TRIOBP: variants seen among roughly 807,000 people sequenced by gnomAD.
TRIOBP encodes the protein TRIO and F-actin-binding protein.
In TRIOBP, 169 loss-of-function variants were observed where a neutral mutation model predicts 238.8. That is an observed-to-expected ratio of 0.71 (90% confidence interval 0.62 to 0.80). The LOEUF is 0.80. Ranked by LOEUF, TRIOBP falls within the 30% of genes least tolerant of loss-of-function variation. The pLI is 0.00. For missense variants in TRIOBP, 2,838 were observed against 3,122.6 expected (o/e 0.91, Z 2.17); for synonymous variants, 1,150 against 1,274.4 (o/e 0.90, Z 2.08).
chr22:37,728,469 C>G (rs536876077), intron 7 of TRIOBP, among the ~76,000 whole-genome samples: 11 of 152,054 alleles, frequency 7.2e-5, no homozygotes, highest in African/African-American at 2.7e-4. Flanking sequence ...ATCTCTTGTT[C>G]TTCAAATTTC....
Position 37,757,773 on chromosome 22 carries a change from C to T in TRIOBP, c.5848C>T (p.Pro1950Ser). ...GGCCTTGGACTACGTGGAGCTCTCGCCGCTGACCCAGGCTTCCCCGCAGCG... is the reference window on the plus strand; with the variant it reads ...GGCCTTGGACTACGTGGAGCTCTCGTCGCTGACCCAGGCTTCCCCGCAGCG... ...RQALDYVELSPLTQASPQRAR... is the reference protein window; with the variant it reads ...RQALDYVELSSLTQASPQRAR... The change falls in exon 16 of 24, where the codon CCG becomes TCG. Residue 1950 changes from proline to serine, a missense_variant. By Grantham distance (74) the Pro-to-Ser change is moderately conservative (BLOSUM62 -1). Transcript: ENST00000644935. 6 of 1,552,740 alleles carry T rather than the reference C, an allele frequency of 3.9e-6. No homozygotes were observed. Among genetic ancestry groups the T allele is most frequent in the Non-Finnish European group, 4.4e-6 (5 of 1,148,354 alleles).
In TRIOBP at chr22:37,726,437, G is replaced by T; in HGVS notation, c.3881G>T (p.Ser1294Ile). ...QRQPGPQAQC[S>I]SGGRTHSPGR... Reference sequence around the variant, plus strand: ...CAGCCAGGGCCCCAGGCGCAGTGCAGCAGCGGGGGCCGCACCCACAGCCCT... The same window carrying T: ...CAGCCAGGGCCCCAGGCGCAGTGCATCAGCGGGGGCCGCACCCACAGCCCT... The change falls in exon 7 of 24, where the codon AGC becomes ATC. Residue 1294 changes from serine (S) to isoleucine (I), a missense_variant. By Grantham distance (142) the Ser-to-Ile change is moderately radical. Around this residue, in one of 5 missense-constraint regions of TRIOBP, gnomAD observed 2,096 missense variants for 2,137.4 expected, o/e 0.98. Coordinates refer to ENST00000644935, the MANE Select transcript of TRIOBP (RefSeq NM_001039141.3). The T allele has an allele frequency of 6.3e-7, 1 of 1,583,494 alleles. No homozygotes were observed. The highest frequency in any genetic ancestry group is 8.6e-7 in the Non-Finnish European group (1 of 1,167,496).
At position 37,765,833 on chromosome 22, in the gene TRIOBP, G is replaced by C. The variant is rs754782306; in HGVS notation, c.6472+16G>C. 1.8e-5 allele frequency: 29 copies of C among 1,582,270 alleles called. 1 individual carries two copies. In the South Asian group the frequency reaches 3.1e-4, roughly 17 times the overall value. ...ACGGCCTCAGGTATGGACCCTGGGGGGGGCACAGTGGGCTGGGCTCTGAGC... is the reference window on the plus strand; with the variant it reads ...ACGGCCTCAGGTATGGACCCTGGGGCGGGCACAGTGGGCTGGGCTCTGAGC... On this transcript the variant is annotated intron_variant, in intron 18 of 23. Transcript: ENST00000644935.
intron 6 of TRIOBP, among the ~76,000 whole-genome samples, chr22:37,717,798 G>A (rs1284339601): frequency 6.6e-6 from 1 of 152,234 alleles, no homozygotes; most frequent in Non-Finnish European, 1.5e-5. Context: ...CTCGTTCTGG[G>A]GCTGCAGGTG....
Position 37,715,640 on chromosome 22 carries a change from G to A in TRIOBP, c.457-123G>A. 5 of 1,176,890 alleles carry A rather than the reference G, an allele frequency of 4.2e-6. No homozygotes were observed. The South Asian group carries it at 5.3e-5, about 12-fold the overall frequency. The allele number at this position is 1,176,890 out of a possible 1,614,324, so 72.9% of individuals were successfully genotyped here. A position where few individuals can be genotyped will look rare whatever the true frequency, so the allele number is the denominator to read the frequency against. ...TTGCAGGCGTGAGCCACAGCGCCTG[G>A]CCAGGGAAGTGCTTTTTAATGCCAA... On this transcript the variant is annotated intron_variant, in intron 5 of 23. Transcript: ENST00000644935.
chr22:37,715,943 T>C lies in TRIOBP; in HGVS notation c.628+9T>C. 5.6e-6 allele frequency: 9 copies of C among 1,612,114 alleles called. No individual in the cohort carries two copies. Among genetic ancestry groups the C allele is most frequent in the Non-Finnish European group, 7.6e-6 (9 of 1,179,790 alleles). On this transcript the variant is annotated intron_variant, in intron 6 of 23. Coordinates refer to ENST00000644935, the MANE Select transcript of TRIOBP (RefSeq NM_001039141.3). ...AGGCCAGAAAAAGGAGGGTGAGTCCTTCTGCCAGGTTGGTTCCCATGGTGA... is the reference window on the plus strand; with the variant it reads ...AGGCCAGAAAAAGGAGGGTGAGTCCCTCTGCCAGGTTGGTTCCCATGGTGA...
intron 4 of TRIOBP, among the ~76,000 whole-genome samples, chr22:37,711,741 C>T (rs1231606660): frequency 6.6e-6 from 1 of 152,004 alleles, no homozygotes; most frequent in African/African-American, 2.4e-5. Context: ...AGCTTGCCTG[C>T]GTGCATCGTG....
intron 21 of TRIOBP, among the ~76,000 whole-genome samples, chr22:37,770,799 C>G (rs1200494458): frequency 6.6e-6 from 1 of 152,064 alleles, no homozygotes; most frequent in Non-Finnish European, 1.5e-5. Flanking sequence ...TCTCCTGCCT[C>G]AGCCTCCCGA....
In TRIOBP at chr22:37,725,955, C is replaced by G; in HGVS notation, c.3399C>G (p.Ser1133=). The part of the protein sequence containing the change: ...SSPPRQAPEP[S]LLFQDLPRAS... ...CACCACGCCAGGCCCCAGAGCCTTC[C>G]CTCTTATTCCAGGACCTCCCCAGGG... The change falls in exon 7 of 24, where the codon TCC becomes TCG. Residue 1133 remains serine, a synonymous_variant. Transcript: ENST00000644935. 1.2e-6 allele frequency: 2 copies of G among 1,609,756 alleles called. No homozygotes were observed. The highest frequency in any genetic ancestry group is 1.1e-5 in the South Asian group (1 of 90,860).
intron 5 of TRIOBP, among the ~76,000 whole-genome samples, chr22:37,714,204 T>C (rs1283472892): frequency 6.6e-6 from 1 of 152,190 alleles, no homozygotes; most frequent in Non-Finnish European, 1.5e-5. Context: ...CTCTGGCCCC[T>C]GGGGCTACCT....
At position 37,724,554 on chromosome 22, in the gene TRIOBP, C is replaced by A; in HGVS notation, c.1998C>A (p.Thr666=). The change falls in exon 7 of 24, where the codon ACC becomes ACA. Residue 666 remains threonine, a synonymous_variant. Coordinates refer to ENST00000644935, the MANE Select transcript of TRIOBP (RefSeq NM_001039141.3). ...DDPRASSPNR[T]IQQENPRTSC... The stretch of plus-strand genomic sequence containing the variant: ...CCAGAGCCTCCTCTCCTAACAGAAC[C>A]ATCCAACAAGAGAACCCCAGAACAT... 1 of 1,594,868 alleles carries A rather than the reference C, an allele frequency of 6.3e-7. No individual in the cohort carries two copies. Among genetic ancestry groups the A allele is most frequent in the African/African-American group, 1.4e-5 (1 of 72,318 alleles).
rs769638849 is a variant in TRIOBP, at chr22:37,746,433, G to A, written c.5323-5339G>A. On this transcript the variant is annotated intron_variant, in intron 11 of 23. Transcript: ENST00000644935. ...CGCCGCCATGACGGTGAGTGCCCCAGTCAGCCGCCCGCGCCCGAGGCCGGG... is the reference window on the plus strand; with the variant it reads ...CGCCGCCATGACGGTGAGTGCCCCAATCAGCCGCCCGCGCCCGAGGCCGGG... The A allele has an allele frequency of 4.9e-6, 7 of 1,424,498 alleles. No homozygotes were observed. The African/African-American group carries it at 8.8e-5, about 18-fold the overall frequency. 88.2% of individuals were successfully genotyped at this position (1,424,498 alleles called of 1,614,324 possible). A position where few individuals can be genotyped will look rare whatever the true frequency, so the allele number is the denominator to read the frequency against.
intron 2 of TRIOBP, among the ~76,000 whole-genome samples, chr22:37,698,850 CA>C (rs1168266683): frequency 6.6e-6 from 1 of 150,892 alleles, no homozygotes; most frequent in African/African-American, 2.4e-5. Flanking sequence ...CCCACCTCCC[CA>C]AAAAAGACAT....
At chr22:37,726,600 C>G in intron 7 of TRIOBP, 97 bp downstream of exon 7, 1 of 1,262,770 alleles carries the variant, frequency 7.9e-7, no homozygotes, top group South Asian at 1.8e-5. Context: ...TGTTCAAATC[C>G]CCCTGGCTTG....
chr22:37,750,730 G>A (rs1925545769), intron 11 of TRIOBP: 2 of 471,080 alleles, frequency 4.2e-6, no homozygotes, highest in African/African-American at 2.0e-5. Flanking sequence ...CCCAAGCCCC[G>A]GTTGGTCCAC....
intron 21 of TRIOBP, 31 bp from the exon 22 acceptor site, chr22:37,771,619 C>T: frequency 6.2e-7 from 1 of 1,606,262 alleles, no homozygotes; most frequent in Non-Finnish European, 8.5e-7. Flanking sequence ...TGGCTTCTGG[C>T]CCTGGGTCAG....
intron 10 of TRIOBP, among the ~76,000 whole-genome samples, chr22:37,739,478 A>T (rs187948930): frequency 2.6e-5 from 4 of 152,248 alleles, no homozygotes; most frequent in African/African-American, 9.6e-5. Context: ...AGCTGGGGGA[A>T]TTCTGCCCAA....
chr22:37,768,665 G>A lies in TRIOBP; in HGVS notation c.6576-363G>A, dbSNP rs114233039. On this transcript the variant is annotated intron_variant, in intron 19 of 23. Transcript: ENST00000644935. ...TAAAAATACAAGCTAGCTGAATGTG[G>A]TGGCGGGAGCCTGCAATTCTAGCTA... 2.5e-3 allele frequency among the ~76,000 whole-genome samples: 381 copies of A among 152,280 alleles called. 3 individuals are homozygous for A. Among genetic ancestry groups the A allele is most frequent in the African/African-American group, 8.5e-3 (353 of 41,552 alleles).
At chr22:37,705,965 G>A (rs768078403) in intron 3 of TRIOBP, among the ~76,000 whole-genome samples, 2 of 152,134 alleles carry the variant, frequency 1.3e-5, no homozygotes, top group Non-Finnish European at 2.9e-5. Flanking sequence ...AGAATGGAGG[G>A]CAGGGTGGTG....
Sources: allele counts gnomAD v4.1 joint callset (sites outside exome capture counted in the v4.1 genomes callset), GRCh38; gene constraint gnomAD v4.1.1; regional missense constraint gnomAD v4.1.1; transcripts MANE v1.5; gene names NCBI Gene and HGNC (gene_info 2026-07-23, HGNC 2026-07-21).